Variants in SH2D4A observed in about 807,000 individuals in gnomAD.
The protein encoded by SH2D4A is SH2 domain-containing protein 4A.
In SH2D4A, 70 loss-of-function variants were observed where a neutral mutation model predicts 64.7. That is an observed-to-expected ratio of 1.08 (90% CI 0.89 to 1.32). The LOEUF is 1.32. Ranked by LOEUF, SH2D4A falls within the 40% of genes most tolerant of loss-of-function variation. The pLI is 0.00. For missense variants in SH2D4A, 706 were observed against 540.1 expected (o/e 1.31, Z -3.04); for synonymous variants, 268 against 200.7 (o/e 1.34, Z -2.83).
chr8:19,323,250 C>A (rs562233734), intron 2 of SH2D4A, among the ~76,000 whole-genome samples: 12 of 151,900 alleles, frequency 7.9e-5, no homozygotes, highest in African/African-American at 2.9e-4. Flanking sequence ...TGTAAACTAC[C>A]GGATTTCAAA....
intron 4 of SH2D4A, among the ~76,000 whole-genome samples, chr8:19,355,382 C>T (rs1456906577): frequency 6.6e-6 from 1 of 151,892 alleles, no homozygotes; most frequent in Non-Finnish European, 1.5e-5. Context: ...TCACTCTGTT[C>T]CCAAATAGAG....
chr8:19,342,640 A>G (rs1480008913), intron 4 of SH2D4A, among the ~76,000 whole-genome samples: 4 of 152,168 alleles, frequency 2.6e-5, no homozygotes, highest in Non-Finnish European at 5.9e-5. Context: ...TCCGAGGGCA[A>G]TGGTTTGATT....
chr8:19,381,453 C>A (rs2053291317), intron 8 of SH2D4A, among the ~76,000 whole-genome samples: 1 of 152,032 alleles, frequency 6.6e-6, no homozygotes, highest in Non-Finnish European at 1.5e-5. Context: ...TTGTAATTTC[C>A]TTCTCAGAGT....
intron 4 of SH2D4A, among the ~76,000 whole-genome samples, chr8:19,356,171 G>T (rs1187275081): frequency 6.6e-6 from 1 of 152,194 alleles, no homozygotes; most frequent in Admixed American, 6.5e-5. Context: ...GCAAATGCCT[G>T]TTGTCAACTG....
At chr8:19,387,604 C>T (rs967011535) in intron 8 of SH2D4A, among the ~76,000 whole-genome samples, 1 of 152,202 alleles carries the variant, frequency 6.6e-6, no homozygotes, top group Admixed American at 6.5e-5. Flanking sequence ...TCTTCTGACA[C>T]AGCCAGATCA....
rs753479393 is a variant in SH2D4A at position 19,364,299 on chromosome 8, A to G, written c.917+17A>G. 6.2e-7 allele frequency: 1 copy of G among 1,613,184 alleles called. No individual in the cohort carries two copies. Among genetic ancestry groups the G allele is most frequent in the Admixed American group, 1.7e-5 (1 of 59,994 alleles). Reference sequence around the variant, plus strand: ...ACCTCTTAGGTAAGAAGCCACACAGATGGGTTTATGCATAAACATTGCAAT... The same window carrying G: ...ACCTCTTAGGTAAGAAGCCACACAGGTGGGTTTATGCATAAACATTGCAAT... On this transcript the variant is annotated intron_variant, in intron 7 of 9. Coordinates refer to ENST00000265807, the MANE Select transcript of SH2D4A (RefSeq NM_022071.4).
chr8:19,326,856 G>A (rs1309254772), intron 2 of SH2D4A, among the ~76,000 whole-genome samples: 1 of 152,124 alleles, frequency 6.6e-6, no homozygotes. Context: ...CACTGCCCCC[G>A]AGGAGCTAAT....
intron 8 of SH2D4A, among the ~76,000 whole-genome samples, chr8:19,388,836 G>T (rs961151349): frequency 6.6e-6 from 1 of 152,216 alleles, no homozygotes; most frequent in East Asian, 1.9e-4. Context: ...AGTGGCAGGT[G>T]CTGAGTGTGT....
At chr8:19,380,818 G>T (rs2053280977) in intron 8 of SH2D4A, among the ~76,000 whole-genome samples, 1 of 152,058 alleles carries the variant, frequency 6.6e-6, no homozygotes, top group Non-Finnish European at 1.5e-5. Flanking sequence ...ACGTCTTCCT[G>T]TTTTTTCTTC....
intron 6 of SH2D4A, among the ~76,000 whole-genome samples, chr8:19,361,521 A>G (rs2052888272): frequency 6.6e-6 from 1 of 152,224 alleles, no homozygotes; most frequent in Admixed American, 6.5e-5. Flanking sequence ...TTATTTCTGT[A>G]TCACCAAAAT....
chr8:19,319,272 T>A, intron 1 of SH2D4A, 72 bp from the exon 2 acceptor site: 1 of 1,092,810 alleles, frequency 9.2e-7, no homozygotes, highest in Non-Finnish European at 1.1e-6. Flanking sequence ...TAGCTTTTTT[T>A]TTTAAACCCG....
chr8:19,339,474 T>C (rs1355150652), intron 4 of SH2D4A, among the ~76,000 whole-genome samples: 1 of 151,328 alleles, frequency 6.6e-6, no homozygotes, highest in East Asian at 1.9e-4. Context: ...TTAGCTCACT[T>C]TCCTCTTCCC....
chr8:19,371,446 G>T (rs750129515), intron 7 of SH2D4A, among the ~76,000 whole-genome samples: 1 of 151,888 alleles, frequency 6.6e-6, no homozygotes, highest in Non-Finnish European at 1.5e-5. Context: ...GGGTGTATTG[G>T]ATCTGTCTTA....
At chr8:19,389,807 G>A (rs1324364756) in intron 8 of SH2D4A, among the ~76,000 whole-genome samples, 2 of 152,190 alleles carry the variant, frequency 1.3e-5, no homozygotes, top group East Asian at 3.9e-4. Flanking sequence ...CCAGGAGGTT[G>A]AGGCTGCAGT....
At chr8:19,373,118 C>T (rs113629066) in intron 7 of SH2D4A, among the ~76,000 whole-genome samples, 2,535 of 152,132 alleles carry the variant, frequency 0.017, 80 homozygotes, top group African/African-American at 0.058. Context: ...GAACTTAAAT[C>T]TGTGTGTTAA....
At chr8:19,327,682 A>G (rs1174519905) in intron 2 of SH2D4A, among the ~76,000 whole-genome samples, 1 of 152,142 alleles carries the variant, frequency 6.6e-6, no homozygotes, top group Non-Finnish European at 1.5e-5. Context: ...CGTTCAGCCA[A>G]CTGTGCTCTT....
chr8:19,370,933 A>G (rs1260020545), intron 7 of SH2D4A, among the ~76,000 whole-genome samples: 8 of 152,128 alleles, frequency 5.3e-5, no homozygotes, highest in South Asian at 2.1e-4. Flanking sequence ...AAAACATCCT[A>G]TAGTTATAAC....
Position 19,394,866 on chromosome 8 carries a change from C to T in SH2D4A, c.*224C>T. ...CTCTGCTCAAAAGGGAGAAGAGTCT[C>T]AATTTCAGCAAGTACCTGTCATGAA... On this transcript the variant is annotated 3_prime_UTR_variant, in exon 10 of 10. Transcript: ENST00000265807. 1 of 376,048 alleles carries T rather than the reference C, an allele frequency of 2.7e-6. No individual in the cohort carries two copies. Among genetic ancestry groups the T allele is most frequent in the Non-Finnish European group, 4.7e-6 (1 of 210,820 alleles). The allele number at this position is 376,048 out of a possible 1,614,324, so 23.3% of individuals were successfully genotyped here.
chr8:19,349,317 A>G (rs1215818838), intron 4 of SH2D4A, among the ~76,000 whole-genome samples: 1 of 152,254 alleles, frequency 6.6e-6, no homozygotes, highest in Non-Finnish European at 1.5e-5. Context: ...AAAATCTTAT[A>G]TAAGATAGAA....
Sources: gnomAD v4.1 joint callset for allele counts (sites outside exome capture counted in the v4.1 genomes callset) on GRCh38, gnomAD v4.1.1 for gene constraint, MANE v1.5 for transcripts, NCBI Gene and HGNC (gene_info 2026-07-23, HGNC 2026-07-21) for gene names.